Variants in REEP3 observed in about 807,000 individuals in gnomAD.
REEP3 encodes the protein receptor expression-enhancing protein 3.
A neutral mutation model predicts 41.3 loss-of-function variants in REEP3; 20 were observed. The ratio of observed to expected loss-of-function variants is 0.48; its 90% CI spans 0.34 to 0.70. The LOEUF (loss-of-function observed/expected upper bound fraction) is 0.70, where lower values mean the gene tolerates loss of function less well. REEP3 is among the 30% of genes least tolerant of loss of function. The probability of loss-of-function intolerance (pLI) is 0.01; values close to 1 mark genes in which losing one functional copy is unlikely to be tolerated. For missense variants in REEP3, 271 were observed against 308.8 expected (o/e 0.88, Z 0.92); for synonymous variants, 104 against 101.8 (o/e 1.02, Z -0.13).
chr10:63,579,420 A>G (rs1444833923), intron 2 of REEP3, among the ~76,000 whole-genome samples: 1 of 152,220 alleles, frequency 6.6e-6, no homozygotes, highest in African/African-American at 2.4e-5. Context: ...AAATTTGAAT[A>G]AGATTATATA....
intron 2 of REEP3, among the ~76,000 whole-genome samples, chr10:63,567,980 C>T (rs1360814464): frequency 6.6e-6 from 1 of 152,068 alleles, no homozygotes; most frequent in East Asian, 1.9e-4. Context: ...TAGTTGGGCT[C>T]TCAAATTTTT....
At chr10:63,584,181 G>A (rs1354801315) in intron 2 of REEP3, among the ~76,000 whole-genome samples, 1 of 152,068 alleles carries the variant, frequency 6.6e-6, no homozygotes, top group Non-Finnish European at 1.5e-5. Flanking sequence ...TATAATGTGA[G>A]GCTTTCTCCT....
intron 6 of REEP3, among the ~76,000 whole-genome samples, chr10:63,616,967 A>C (rs961343805): frequency 6.6e-6 from 1 of 152,128 alleles, no homozygotes; most frequent in Non-Finnish European, 1.5e-5. Context: ...CCTTTCATTT[A>C]TGTTTTTCCT....
chr10:63,593,826 C>T (rs891644131), intron 2 of REEP3, among the ~76,000 whole-genome samples: 2 of 152,226 alleles, frequency 1.3e-5, no homozygotes, highest in East Asian at 1.9e-4. Context: ...CCTGAACTAC[C>T]ATTGTGGAAT....
chr10:63,617,071 A>G (rs1225700561), intron 6 of REEP3, among the ~76,000 whole-genome samples: 1 of 151,568 alleles, frequency 6.6e-6, no homozygotes, highest in Admixed American at 6.6e-5. Flanking sequence ...CTTCCTTGCC[A>G]CACTGGCCTC....
intron 1 of REEP3, among the ~76,000 whole-genome samples, chr10:63,528,730 T>G (rs1041794541): frequency 6.6e-6 from 1 of 152,172 alleles, no homozygotes; most frequent in Non-Finnish European, 1.5e-5. Flanking sequence ...CACAGTGATC[T>G]CCAACACAGT....
chr10:63,614,738 A>G (rs1956300067), intron 6 of REEP3, among the ~76,000 whole-genome samples: 1 of 152,354 alleles, frequency 6.6e-6, no homozygotes, highest in East Asian at 1.9e-4. Context: ...GAATCTGTAG[A>G]CATGTTTTAA....
intron 1 of REEP3, among the ~76,000 whole-genome samples, chr10:63,565,123 A>G (rs1431360778): frequency 6.6e-6 from 1 of 151,992 alleles, no homozygotes; most frequent in Non-Finnish European, 1.5e-5. Context: ...AGCCGGGCAT[A>G]GTGGCACACA....
intron 1 of REEP3, among the ~76,000 whole-genome samples, chr10:63,538,154 C>T (rs1955492961): frequency 1.3e-5 from 2 of 152,186 alleles, no homozygotes; most frequent in South Asian, 4.1e-4. Flanking sequence ...ATATTCTTCA[C>T]TCCACAGCTT....
At chr10:63,611,099 T>TTTTGC (rs2133429043) in intron 6 of REEP3, among the ~76,000 whole-genome samples, 1 of 152,240 alleles carries the variant, frequency 6.6e-6, no homozygotes, top group South Asian at 2.1e-4. Context: ...AGTACTTGCC[T>TTTTGC]TTTGCTGATT....
At position 63,621,134 on chromosome 10, in the gene REEP3, A is replaced by T; in HGVS notation, c.*265A>T. On this transcript the variant is annotated 3_prime_UTR_variant, in exon 8 of 8. Transcript: ENST00000373758. ...GTTGTCCGTTTTCAAATTCATCAAC[A>T]GCCTAGAGTGCCTGAGATATAAGAT... 1 of 290,890 alleles carries T rather than the reference A, an allele frequency of 3.4e-6. No homozygotes were observed. Among genetic ancestry groups the T allele is most frequent in the African/African-American group, 2.2e-5 (1 of 45,630 alleles). The allele number at this position is 290,890 out of a possible 1,614,324, so 18.0% of individuals were successfully genotyped here.
rs921353561 is a variant in REEP3, at chr10:63,623,818, C to T, written c.*2949C>T. On this transcript the variant is annotated 3_prime_UTR_variant, in exon 8 of 8. Transcript: ENST00000373758. ...GTGTGTATTTGGCTAAAAAATTATA[C>T]TGCCAAAATTACTGATTATAAATAC... 2 of 148,428 alleles carry T rather than the reference C, an allele frequency of 1.3e-5. No homozygotes were observed. The highest frequency in any genetic ancestry group is 5.0e-5 in the African/African-American group (2 of 39,836). 9.2% of individuals were successfully genotyped at this position (148,428 alleles called of 1,614,324 possible). A position where few individuals can be genotyped will look rare whatever the true frequency, so the allele number is the denominator to read the frequency against.
intron 1 of REEP3, among the ~76,000 whole-genome samples, chr10:63,566,035 C>T (rs988345903): frequency 2.8e-4 from 43 of 151,902 alleles, no homozygotes; most frequent in African/African-American, 4.4e-4. Context: ...CAGGCACACC[C>T]GCCACGCCCG....
At chr10:63,527,178 C>T (rs1955372701) in intron 1 of REEP3, among the ~76,000 whole-genome samples, 1 of 152,048 alleles carries the variant, frequency 6.6e-6, no homozygotes, top group South Asian at 2.1e-4. Flanking sequence ...CTAAATTATA[C>T]ACCTTAAAAA....
At chr10:63,543,257 C>G (rs1955546055) in intron 1 of REEP3, among the ~76,000 whole-genome samples, 1 of 152,132 alleles carries the variant, frequency 6.6e-6, no homozygotes, top group Non-Finnish European at 1.5e-5. Context: ...TTTAATCTTT[C>G]TCATGTTTTA....
intron 1 of REEP3, among the ~76,000 whole-genome samples, chr10:63,564,519 A>G (rs540732221): frequency 2.5e-4 from 38 of 152,140 alleles, no homozygotes; most frequent in Admixed American, 5.2e-4. Context: ...GGTACTCAGG[A>G]GGCTGAGGCA....
chr10:63,559,664 A>G (rs1477278691), intron 1 of REEP3, among the ~76,000 whole-genome samples: 4 of 152,178 alleles, frequency 2.6e-5, no homozygotes, highest in African/African-American at 7.2e-5. Context: ...TACCTTTTTA[A>G]GCCTCAGTCT....
At position 63,623,755 on chromosome 10, in the gene REEP3, A is replaced by ATGTGTGTGTGTGTGTG. The variant is rs57254958; in HGVS notation, c.*2914_*2929dup. 5 of 142,300 alleles carry ATGTGTGTGTGTGTGTG rather than the reference A, an allele frequency of 3.5e-5. No individual in the cohort carries two copies. Among genetic ancestry groups the ATGTGTGTGTGTGTGTG allele is most frequent in the Non-Finnish European group, 6.1e-5 (4 of 65,340 alleles). The allele number at this position is 142,300 out of a possible 1,614,324, so 8.8% of individuals were successfully genotyped here. On this transcript the variant is annotated 3_prime_UTR_variant, in exon 8 of 8. Coordinates refer to ENST00000373758, the MANE Select transcript of REEP3 (RefSeq NM_001001330.3). ...CCCCCTCACATACTTCACAATATAT[A>ATGTGTGTGTGTGTGTG]TGTGTGTGTGTGTGTGTGTGTGTGT... is the stretch of plus-strand genomic sequence containing the variant.
intron 1 of REEP3, chr10:63,521,794 C>T (rs1467714390): frequency 1.3e-5 from 4 of 314,870 alleles, no homozygotes; most frequent in Non-Finnish European, 2.3e-5. Flanking sequence ...GCTGCGGCGA[C>T]TGCGGCTGCG....
Sources: gnomAD v4.1 joint callset for allele counts (sites outside exome capture counted in the v4.1 genomes callset) on GRCh38, gnomAD v4.1.1 for gene constraint, MANE v1.5 for transcripts, NCBI Gene and HGNC (gene_info 2026-07-23, HGNC 2026-07-21) for gene names.